Variants in FCHO2 observed in about 807,000 individuals in gnomAD.
FCHO2 encodes the protein FCH and mu domain containing endocytic adaptor 2.
Under a neutral mutation model 114.1 loss-of-function variants are expected in FCHO2, and 43 were observed. That is an observed-to-expected ratio of 0.38 (90% CI 0.30 to 0.49). FCHO2 has a LOEUF of 0.49. Among genes scored for constraint, FCHO2 ranks in the 20% least tolerant of loss-of-function variants. The probability of loss-of-function intolerance (pLI) is 0.97; values close to 1 mark genes in which losing one functional copy is unlikely to be tolerated. For missense variants in FCHO2, 807 were observed against 950.4 expected, an observed-to-expected ratio of 0.85 and a Z score of 1.98; for synonymous variants, 293 against 315.2, an observed-to-expected ratio of 0.93 and a Z score of 0.75.
At chr5:72,957,237 C>CTTT (rs746266042) in intron 1 of FCHO2, among the ~76,000 whole-genome samples, 21,022 of 152,042 alleles carry the variant, frequency 0.14, 1,629 homozygotes, top group East Asian at 0.35. Context: ...TTCACATTTC[C>CTTT]GTACCAATAC....
intron 2 of FCHO2, among the ~76,000 whole-genome samples, chr5:72,971,520 T>C (rs903410667): frequency 6.6e-6 from 1 of 152,278 alleles, no homozygotes; most frequent in Non-Finnish European, 1.5e-5. Context: ...TATCTGTTCA[T>C]GTCCTTCGCC....
intron 15 of FCHO2, among the ~76,000 whole-genome samples, chr5:73,054,914 A>G (rs528701877): frequency 6.7e-4 from 102 of 152,276 alleles, no homozygotes; most frequent in Non-Finnish European, 1.2e-3. Context: ...TGTCACAATT[A>G]CAAATTCTAT....
In FCHO2 at chr5:73,087,600, C is replaced by T. The variant is rs1743352577; in HGVS notation, c.2257C>T (p.Leu753Phe). The change falls in exon 25 of 26, where the codon CTC becomes TTC. Residue 753 changes from leucine (L) to phenylalanine (F), a missense_variant. Coordinates refer to ENST00000430046, the MANE Select transcript of FCHO2 (RefSeq NM_138782.3). The stretch of plus-strand genomic sequence containing the variant: ...TCTTTTCTTTGTAGGTTCTGGGTCC[C>T]TCCGAGCAAAATTTGATCTTTCAGA... ...EKSENGGSGS[L>F]RAKFDLSEGP... 1.2e-6 allele frequency: 2 copies of T among 1,613,608 alleles called. No homozygotes were observed. Among genetic ancestry groups the T allele is most frequent in the East Asian group, 2.2e-5 (1 of 44,870 alleles).
chr5:73,006,190 G>T (rs899138494), intron 5 of FCHO2, among the ~76,000 whole-genome samples: 1 of 152,098 alleles, frequency 6.6e-6, no homozygotes, highest in Non-Finnish European at 1.5e-5. Flanking sequence ...GATTTAAAAT[G>T]AGAGTATTTT....
rs1194221515 is a variant in FCHO2 at position 72,997,197 on chromosome 5, A to C, written c.495+6333A>C. 4 of 1,131,348 alleles carry C rather than the reference A, an allele frequency of 3.5e-6. No homozygotes were observed. In the East Asian group the frequency reaches 9.4e-5, roughly 27 times the overall value. 70.1% of individuals were successfully genotyped at this position (1,131,348 alleles called of 1,614,324 possible). A position where few individuals can be genotyped will look rare whatever the true frequency, so the allele number is the denominator to read the frequency against. On this transcript the variant is annotated intron_variant, in intron 5 of 25. Transcript: ENST00000430046. ...GGAACGCCTCCTGACTTCATCCTCA[A>C]GGTGGTAATAGACAAACATCCTGTC...
At chr5:73,064,744 G>C (rs1320028843) in intron 18 of FCHO2, among the ~76,000 whole-genome samples, 1 of 151,712 alleles carries the variant, frequency 6.6e-6, no homozygotes, top group Non-Finnish European at 1.5e-5. Flanking sequence ...AACTTTTCAG[G>C]GTTCCTTAAA....
chr5:73,035,049 G>A (rs1756429450), intron 9 of FCHO2, among the ~76,000 whole-genome samples: 1 of 152,060 alleles, frequency 6.6e-6, no homozygotes. Context: ...GCCATATTCA[G>A]GAATATGAAA....
rs771473225 is a variant in FCHO2, at chr5:73,078,174, A to T, written c.1848-6A>T. 2 of 1,514,520 alleles carry T rather than the reference A, an allele frequency of 1.3e-6. No homozygotes were observed. Among genetic ancestry groups the T allele is most frequent in the Non-Finnish European group, 1.8e-6 (2 of 1,132,554 alleles). The allele number at this position is 1,514,520 out of a possible 1,614,324, so 93.8% of individuals were successfully genotyped here. A position where few individuals can be genotyped will look rare whatever the true frequency, so the allele number is the denominator to read the frequency against. ...AAAATAACAAATATATTTTTTATAT[A>T]TGTAGTGATCCATCACAATGTGATT... On this transcript the variant is annotated splice_polypyrimidine_tract_variant and splice_region_variant and intron_variant, in intron 21 of 25. Transcript: ENST00000430046.
At chr5:72,988,394 C>T (rs1348865299) in intron 2 of FCHO2, among the ~76,000 whole-genome samples, 2 of 152,006 alleles carry the variant, frequency 1.3e-5, no homozygotes, top group African/African-American at 4.8e-5. Flanking sequence ...GCCAAGATTG[C>T]ACCACTGTAC....
chr5:72,985,838 G>A (rs1753493996), intron 2 of FCHO2, among the ~76,000 whole-genome samples: 1 of 152,086 alleles, frequency 6.6e-6, no homozygotes, highest in African/African-American at 2.4e-5. Flanking sequence ...AGAACCAGAT[G>A]TAATTGTTTT....
chr5:72,992,603 A>G (rs1753865714), intron 5 of FCHO2, among the ~76,000 whole-genome samples: 1 of 152,122 alleles, frequency 6.6e-6, no homozygotes, highest in African/African-American at 2.4e-5. Context: ...ATAGATAGGG[A>G]GAAAAGAAGG....
At chr5:73,023,033 C>G (rs770292110) in intron 8 of FCHO2, among the ~76,000 whole-genome samples, 28 of 151,972 alleles carry the variant, frequency 1.8e-4, no homozygotes, top group Middle Eastern at 3.2e-3. Context: ...GAATAAATCT[C>G]TGTGTTTAGG....
At chr5:73,009,942 C>G (rs937191683) in intron 6 of FCHO2, among the ~76,000 whole-genome samples, 7 of 152,162 alleles carry the variant, frequency 4.6e-5, no homozygotes, top group African/African-American at 1.7e-4. Flanking sequence ...TGTATTTGTT[C>G]TTTCTCAAGA....
At chr5:72,973,287 C>T (rs1752671967) in intron 2 of FCHO2, among the ~76,000 whole-genome samples, 1 of 152,138 alleles carries the variant, frequency 6.6e-6, no homozygotes, top group African/African-American at 2.4e-5. Flanking sequence ...GTACCAGTTC[C>T]TCCTTGTACC....
In FCHO2 at chr5:73,034,163, C is replaced by T. The variant is rs113934495; in HGVS notation, c.797-494C>T. On this transcript the variant is annotated intron_variant, in intron 8 of 25. Coordinates refer to ENST00000430046, the MANE Select transcript of FCHO2 (RefSeq NM_138782.3). ...AATAAATATTTACTTATTTACCCAA[C>T]TTATTATTTACCTGGCATTTTTTAA... 5.2e-3 allele frequency among the ~76,000 whole-genome samples: 791 copies of T among 152,226 alleles called. 6 individuals carry two copies. Among genetic ancestry groups the T allele is most frequent in the African/African-American group, 0.018 (747 of 41,538 alleles).
At chr5:73,043,440 TATATGTGTGTGTATAC>T (rs1756904382) in intron 11 of FCHO2, among the ~76,000 whole-genome samples, 1 of 152,132 alleles carries the variant, frequency 6.6e-6, no homozygotes, top group Non-Finnish European at 1.5e-5. Context: ...TATTAGTGTG[TATATGTGTGTGTATAC>T]ATATACACAC....
rs1271537511 is a variant in FCHO2 at position 73,041,221 on chromosome 5, A to T, written c.915-70A>T. On this transcript the variant is annotated intron_variant, in intron 10 of 25. Transcript: ENST00000430046. ...AAAGCTATATTTAAGTACCAAAGTA[A>T]ATACTTTAAACAAGCATAATTAGCA... 35 of 1,000,762 alleles carry T rather than the reference A, an allele frequency of 3.5e-5. No individual in the cohort carries two copies. The East Asian group carries it at 8.8e-4, about 25-fold the overall frequency. The allele number at this position is 1,000,762 out of a possible 1,614,324, so 62.0% of individuals were successfully genotyped here. A position where few individuals can be genotyped will look rare whatever the true frequency, so the allele number is the denominator to read the frequency against.
At chr5:73,041,781 G>A (rs941765341) in intron 11 of FCHO2, among the ~76,000 whole-genome samples, 4 of 152,026 alleles carry the variant, frequency 2.6e-5, no homozygotes, top group Non-Finnish European at 5.9e-5. Flanking sequence ...TTAAAGAAGG[G>A]TTGCTTATAT....
In FCHO2 at chr5:73,035,623, C is replaced by T. The variant is rs1192217476; in HGVS notation, c.841+922C>T. On this transcript the variant is annotated intron_variant, in intron 9 of 25. Transcript: ENST00000430046. ...ATCCAAGCGATCCTTGCACCTCAGC[C>T]CCAAAATTAGCTGGGACTACAGGTA... is the stretch of plus-strand genomic sequence containing the variant. 2.0e-5 allele frequency among the ~76,000 whole-genome samples: 3 copies of T among 152,052 alleles called. 1 individual carries two copies. In the South Asian group the frequency reaches 6.3e-4, roughly 32 times the overall value.
Sources: allele counts gnomAD v4.1 joint callset (sites outside exome capture counted in the v4.1 genomes callset), GRCh38; gene constraint gnomAD v4.1.1; transcripts MANE v1.5; gene names NCBI Gene and HGNC (gene_info 2026-07-23, HGNC 2026-07-21).